SNRPA: variants seen among roughly 807,000 people sequenced by gnomAD.
The protein encoded by SNRPA is U1 small nuclear ribonucleoprotein A.
A neutral mutation model predicts 24.5 loss-of-function variants in SNRPA; 10 were observed. The observed-to-expected ratio is 0.41, with a 90% CI of 0.25 to 0.69. The LOEUF (loss-of-function observed/expected upper bound fraction) is 0.69. Ranked by LOEUF, SNRPA falls within the 30% of genes least tolerant of loss-of-function variation. The pLI is 0.33. For missense variants in SNRPA, 283 were observed against 394.7 expected (o/e 0.72, Z 2.40); for synonymous variants, 165 against 148.4 (o/e 1.11, Z -0.81).
intron 1 of SNRPA, 49 bp downstream of exon 1, chr19:40,751,530 C>T: frequency 7.3e-7 from 1 of 1,361,856 alleles, no homozygotes; most frequent in Non-Finnish European, 1.0e-6. Flanking sequence ...CACGGGCTGG[C>T]CCCTCTTCCG....
chr19:40,754,252 G>C (rs1034470563), intron 1 of SNRPA, among the ~76,000 whole-genome samples: 1 of 152,032 alleles, frequency 6.6e-6, no homozygotes. Flanking sequence ...CCAAGCACCT[G>C]CTACCACGCT....
At chr19:40,761,965 G>A (rs1183539296) in intron 3 of SNRPA, among the ~76,000 whole-genome samples, 1 of 152,124 alleles carries the variant, frequency 6.6e-6, no homozygotes, top group Non-Finnish European at 1.5e-5. Flanking sequence ...TCATGGCTCT[G>A]ACTGGGTCAT....
At chr19:40,763,539 A>T in intron 4 of SNRPA, 48 bp from the exon 5 acceptor site, 1 of 1,466,520 alleles carries the variant, frequency 6.8e-7, no homozygotes, top group East Asian at 2.3e-5. Context: ...TGGGTCTCCC[A>T]CTGGACTCAG....
At chr19:40,759,672 G>C in intron 3 of SNRPA, 62 bp downstream of exon 3, 1 of 1,479,410 alleles carries the variant, frequency 6.8e-7, no homozygotes, top group Non-Finnish European at 9.1e-7. Flanking sequence ...ACATGGACTG[G>C]CTTTGGGACA....
chr19:40,751,363 A>G lies in SNRPA; in HGVS notation c.-46A>G. On this transcript the variant is annotated 5_prime_UTR_variant, in exon 1 of 6. Coordinates refer to ENST00000243563, the MANE Select transcript of SNRPA (RefSeq NM_004596.5). ...AAGGATTTGGAGAAACCCAGGGCTA[A>G]AGTCACGTTTTTCCTCCTTTAAGAC... 3 of 1,451,906 alleles carry G rather than the reference A, an allele frequency of 2.1e-6. No individual in the cohort carries two copies. The highest frequency in any genetic ancestry group is 3.5e-4 in the Middle Eastern group (2 of 5,734). 89.9% of individuals were successfully genotyped at this position (1,451,906 alleles called of 1,614,324 possible). A position where few individuals can be genotyped will look rare whatever the true frequency, so the allele number is the denominator to read the frequency against.
At chr19:40,752,625 G>T (rs1022169616) in intron 1 of SNRPA, among the ~76,000 whole-genome samples, 1 of 149,270 alleles carries the variant, frequency 6.7e-6, no homozygotes, top group Non-Finnish European at 1.5e-5. Flanking sequence ...GGTGGGGTGC[G>T]TCTGTGGTCC....
rs376777993 is a variant in SNRPA at position 40,765,181 on chromosome 19, C to A, written c.*14C>A. The A allele has an allele frequency of 1.3e-6, 2 of 1,504,784 alleles. No homozygotes were observed. The highest frequency in any genetic ancestry group is 2.2e-5 in the Admixed American group (1 of 45,780). The allele number at this position is 1,504,784 out of a possible 1,614,324, so 93.2% of individuals were successfully genotyped here. Reference sequence around the variant, plus strand: ...GCCAAGAAGTAGCACCTTTTCCCCCCATGCCTGCCCCTTCCCCTGTTCTGG... The same window carrying A: ...GCCAAGAAGTAGCACCTTTTCCCCCAATGCCTGCCCCTTCCCCTGTTCTGG... On this transcript the variant is annotated 3_prime_UTR_variant, in exon 6 of 6. Transcript: ENST00000243563.
chr19:40,759,707 G>C, intron 3 of SNRPA, 97 bp downstream of exon 3: 1 of 1,093,300 alleles, frequency 9.1e-7, no homozygotes, highest in Non-Finnish European at 1.3e-6. Flanking sequence ...CTCCCCTTGG[G>C]GCTTCAGACC....
chr19:40,755,078 G>C (rs1468419055), intron 1 of SNRPA, among the ~76,000 whole-genome samples: 1 of 151,348 alleles, frequency 6.6e-6, no homozygotes, highest in African/African-American at 2.4e-5. Flanking sequence ...TTCTGCTTCA[G>C]CTTAGCTTTT....
chr19:40,763,665 C>G lies in SNRPA; in HGVS notation c.679C>G (p.Leu227Val). 1 of 1,613,810 alleles carries G rather than the reference C, an allele frequency of 6.2e-7. No individual in the cohort carries two copies. Among genetic ancestry groups the G allele is most frequent in the Non-Finnish European group, 8.5e-7 (1 of 1,179,738 alleles). ...EETNELMLSM[L>V]FNQFPGFKEV... is the part of the protein sequence containing the mutation. ...GACCAACGAGCTCATGCTGTCCATG[C>G]TTTTCAATCAGTAAGTGGGGCCTGT... The change falls in exon 5 of 6, where the codon CTT becomes GTT. Residue 227 changes from leucine (L) to valine (V), a missense_variant. Leu to Val is a conservative substitution (Grantham distance 32). This residue lies in a region of SNRPA where 51 missense variants were observed against 110.3 expected (regional missense o/e 0.46). Transcript: ENST00000243563.
Position 40,763,603 on chromosome 19 carries a change from C to T in SNRPA, c.617C>T (p.Pro206Leu), listed in dbSNP as rs765631091. The stretch of plus-strand genomic sequence containing the variant: ...CCCCCGCAGCTTTCTGAGAATCCAC[C>T]GAATCACATCTTGTTCCTCACCAAC... ...PPAQPLSENP[P>L]NHILFLTNLP... is the part of the protein sequence containing the mutation. Residue 206 changes from proline to leucine, a missense_variant, in exon 5 of 6, where the codon CCG becomes CTG. Physicochemically the swap from Pro to Leu is moderately conservative, Grantham distance 98. Transcript: ENST00000243563. 15 of 1,613,926 alleles carry T rather than the reference C, an allele frequency of 9.3e-6. No individual in the cohort carries two copies. Among genetic ancestry groups the T allele is most frequent in the East Asian group, 2.2e-5 (1 of 44,864 alleles).
Position 40,761,116 on chromosome 19 carries a change from C to A in SNRPA, c.426+1506C>A, listed in dbSNP as rs564784041. On this transcript the variant is annotated intron_variant, in intron 3 of 5. Coordinates refer to ENST00000243563, the MANE Select transcript of SNRPA (RefSeq NM_004596.5). The stretch of plus-strand genomic sequence containing the variant: ...GCTGGATCACAGGCACATGCCACCA[C>A]GTCCATGTGCAAAAAAAAAAAAAAA... Among the ~76,000 whole-genome samples the A allele has an allele frequency of 9.5e-5, 14 of 146,880 alleles. No individual in the cohort carries two copies. In the South Asian group the frequency reaches 2.1e-3, roughly 23 times the overall value.
Position 40,759,542 on chromosome 19 carries a change from G to A in SNRPA, c.358G>A (p.Ala120Thr). ...GAAGCCCAAGAGCCAGGAGACCCCG[G>A]CCACCAAGAAGGCTGTGCAAGGCGG... ...KRKPKSQETP[A>T]TKKAVQGGGA... The change falls in exon 3 of 6, where the codon GCC becomes ACC. Residue 120 changes from alanine to threonine, a missense_variant. By Grantham distance (58) the Ala-to-Thr change is moderately conservative. Transcript: ENST00000243563. The A allele has an allele frequency of 6.2e-7, 1 of 1,614,038 alleles. No individual in the cohort carries two copies. The highest frequency in any genetic ancestry group is 1.3e-5 in the African/African-American group (1 of 75,010).
rs2145010177 is a variant in SNRPA, at chr19:40,757,220, AT to A, written c.74-110del. The A allele has an allele frequency of 1.5e-5, 15 of 986,576 alleles. No homozygotes were observed. In the South Asian group the frequency reaches 1.8e-4, roughly 12 times the overall value. 61.1% of individuals were successfully genotyped at this position (986,576 alleles called of 1,614,324 possible). On this transcript the variant is annotated intron_variant, in intron 1 of 5. Transcript: ENST00000243563. ...TTCTGTGATTGTTAGGTCTTGAGAG[AT>A]TATGGACCCGAGGCATTCTGGGTAC... is the stretch of plus-strand genomic sequence containing the variant.
intron 3 of SNRPA, among the ~76,000 whole-genome samples, chr19:40,761,659 G>A (rs902275080): frequency 6.6e-6 from 1 of 151,394 alleles, no homozygotes; most frequent in Admixed American, 6.6e-5. Context: ...TAGAGATGGG[G>A]TTTCACCATG....
chr19:40,762,884 C>A lies in SNRPA; in HGVS notation c.427-17C>A. 6.2e-7 allele frequency: 1 copy of A among 1,612,340 alleles called. No individual in the cohort carries two copies. The highest frequency in any genetic ancestry group is 8.5e-7 in the Non-Finnish European group (1 of 1,179,444). On this transcript the variant is annotated splice_polypyrimidine_tract_variant and intron_variant, in intron 3 of 5. Coordinates refer to ENST00000243563, the MANE Select transcript of SNRPA (RefSeq NM_004596.5). ...TGGGGCTGCTGTAACCACGCACTCTCCTCCCTCTCTCCACAGGGCATGCCG... is the reference window on the plus strand; with the variant it reads ...TGGGGCTGCTGTAACCACGCACTCTACTCCCTCTCTCCACAGGGCATGCCG...
intron 3 of SNRPA, among the ~76,000 whole-genome samples, chr19:40,762,577 G>T (rs1222568879): frequency 1.3e-5 from 2 of 151,394 alleles, no homozygotes; most frequent in Non-Finnish European, 1.5e-5. Flanking sequence ...CCTCTCCTTT[G>T]ATTTTGTTTA....
chr19:40,757,174 A>T, intron 1 of SNRPA, 158 bp from the exon 2 acceptor site: 8 of 643,812 alleles, frequency 1.2e-5, no homozygotes, highest in Non-Finnish European at 1.9e-5. Context: ...GTACTTGGCC[A>T]CTTGAGTGGT....
At chr19:40,754,335 T>TC (rs1384126867) in intron 1 of SNRPA, among the ~76,000 whole-genome samples, 1 of 151,260 alleles carries the variant, frequency 6.6e-6, no homozygotes, top group Admixed American at 6.6e-5. Context: ...ACTCCTGAAC[T>TC]GTGATCCACC....
Sources: allele counts gnomAD v4.1 joint callset (sites outside exome capture counted in the v4.1 genomes callset), GRCh38; gene constraint gnomAD v4.1.1; regional missense constraint gnomAD v4.1.1; transcripts MANE v1.5; gene names NCBI Gene and HGNC (gene_info 2026-07-23, HGNC 2026-07-21).